Variants in TCF12 observed in about 807,000 individuals in gnomAD.
The protein encoded by TCF12 is transcription factor 12, also known as DNA-binding protein HTF4.
A neutral mutation model predicts 86.0 loss-of-function variants in TCF12; 45 were observed. The ratio of observed to expected loss-of-function variants is 0.52; its 90% CI spans 0.41 to 0.67. The LOEUF (loss-of-function observed/expected upper bound fraction) is 0.67. Ranked by LOEUF, TCF12 falls within the 30% of genes least tolerant of loss-of-function variation. The probability of loss-of-function intolerance (pLI) is 0.00; values close to 1 mark genes in which losing one functional copy is unlikely to be tolerated. For missense variants in TCF12, 881 were observed against 859.9 expected (o/e 1.02, Z -0.31); for synonymous variants, 330 against 299.6 (o/e 1.10, Z -1.05).
intron 7 of TCF12, 66 bp downstream of exon 7, chr15:57,192,359 G>A: frequency 1.3e-6 from 2 of 1,523,588 alleles, no homozygotes; most frequent in South Asian, 1.3e-5. Context: ...CCCATAATCT[G>A]TACTTCTGGC....
At chr15:57,191,057 G>A (rs1343600619) in intron 6 of TCF12, among the ~76,000 whole-genome samples, 1 of 152,186 alleles carries the variant, frequency 6.6e-6, no homozygotes, top group Non-Finnish European at 1.5e-5. Flanking sequence ...GTAAGCATGT[G>A]ATCATTCTTA....
intron 4 of TCF12, among the ~76,000 whole-genome samples, chr15:57,088,112 G>T (rs1185954507): frequency 1.3e-5 from 2 of 152,038 alleles, no homozygotes; most frequent in African/African-American, 4.8e-5. Context: ...TGGTCCCATT[G>T]GTTGATCCAC....
At position 57,239,515 on chromosome 15, in the gene TCF12, C is replaced by CACA. The variant is rs560411672; in HGVS notation, c.1036-3956_1036-3955insCAA. Among the ~76,000 whole-genome samples the CACA allele has an allele frequency of 2.8e-5, 3 of 107,174 alleles. No individual in the cohort carries two copies. In the South Asian group the frequency reaches 9.3e-4, roughly 33 times the overall value. The allele number at this position is 107,174 out of a possible 152,430, so 70.3% of individuals were successfully genotyped here. A position where few individuals can be genotyped will look rare whatever the true frequency, so the allele number is the denominator to read the frequency against. On this transcript the variant is annotated intron_variant, in intron 12 of 20. Coordinates refer to ENST00000333725, the MANE Select transcript of TCF12 (RefSeq NM_207037.2). ...TGGGCAACAGAGCAAGACTCCATCT[C>CACA]AAAAAAAAAAAAAAAAAGTTTTTGA...
chr15:57,113,108 C>G (rs1485582675), intron 5 of TCF12, among the ~76,000 whole-genome samples: 1 of 152,162 alleles, frequency 6.6e-6, no homozygotes, highest in Non-Finnish European at 1.5e-5. Flanking sequence ...CTGGCTCAAG[C>G]TTTGTTTTTT....
At chr15:57,090,815 G>C (rs1158908613) in intron 4 of TCF12, among the ~76,000 whole-genome samples, 1 of 152,114 alleles carries the variant, frequency 6.6e-6, no homozygotes, top group East Asian at 1.9e-4. Flanking sequence ...GATTGGCAGA[G>C]ATATATATGA....
At chr15:57,231,051 A>T in intron 8 of TCF12, 101 bp from the exon 9 acceptor site, 1 of 787,236 alleles carries the variant, frequency 1.3e-6, no homozygotes, top group Non-Finnish European at 2.1e-6. Flanking sequence ...TATAAAAATT[A>T]GATAGGCCTT....
chr15:57,201,950 C>T (rs573737518), intron 8 of TCF12, among the ~76,000 whole-genome samples: 6 of 151,690 alleles, frequency 4.0e-5, no homozygotes, highest in South Asian at 2.1e-4. Flanking sequence ...GGTAATTTGT[C>T]GGGGGAAAAA....
chr15:57,038,287 A>T (rs1389464323), intron 3 of TCF12, among the ~76,000 whole-genome samples: 3 of 151,888 alleles, frequency 2.0e-5, no homozygotes, highest in African/African-American at 7.3e-5. Flanking sequence ...AAATTGCTGG[A>T]CATGAGGGTG....
intron 18 of TCF12, among the ~76,000 whole-genome samples, chr15:57,272,256 C>T (rs1466494020): frequency 6.6e-6 from 1 of 152,210 alleles, no homozygotes; most frequent in African/African-American, 2.4e-5. Context: ...CTATGTACAT[C>T]TCTAATTATA....
intron 8 of TCF12, among the ~76,000 whole-genome samples, chr15:57,221,330 G>A (rs1326140692): frequency 6.6e-6 from 1 of 151,530 alleles, no homozygotes; most frequent in Non-Finnish European, 1.5e-5. Context: ...ATTTTCTTTT[G>A]TGTCTGATTT....
At position 57,282,599 on chromosome 15, in the gene TCF12, G is replaced by A. The variant is rs1167665305; in HGVS notation, c.*11+1G>A. On this transcript the variant is annotated splice_donor_variant, in intron 20 of 20. Coordinates refer to ENST00000333725, the MANE Select transcript of TCF12 (RefSeq NM_207037.2). LOFTEE classifies it low-confidence loss of function (3UTR_SPLICE). ...TGGGTCATATGTAAACATCAGCCAG[G>A]TAAGTACGGGTTTGAAAAGAAACAG... 1 of 1,609,212 alleles carries A rather than the reference G, an allele frequency of 6.2e-7. No individual in the cohort carries two copies. Among genetic ancestry groups the A allele is most frequent in the African/African-American group, 1.3e-5 (1 of 74,598 alleles).
intron 3 of TCF12, among the ~76,000 whole-genome samples, chr15:56,965,536 A>G (rs1296340130): frequency 2.0e-5 from 3 of 152,160 alleles, no homozygotes; most frequent in Non-Finnish European, 4.4e-5. Flanking sequence ...AATTTTTTTC[A>G]TCCTGTTTGG....
intron 13 of TCF12, among the ~76,000 whole-genome samples, chr15:57,248,538 G>A (rs1158034367): frequency 2.0e-5 from 3 of 152,182 alleles, no homozygotes; most frequent in Non-Finnish European, 4.4e-5. Context: ...GTAGTACTCA[G>A]TAGTAATCTT....
intron 8 of TCF12, among the ~76,000 whole-genome samples, chr15:57,221,137 T>G (rs1462864387): frequency 3.9e-5 from 6 of 152,176 alleles, no homozygotes; most frequent in African/African-American, 1.2e-4. Context: ...TTGTGAACTT[T>G]TGGGTAAGCT....
chr15:57,053,092 G>A (rs562749132), intron 3 of TCF12, among the ~76,000 whole-genome samples: 6 of 152,186 alleles, frequency 3.9e-5, no homozygotes, highest in South Asian at 2.1e-4. Context: ...ATGTACGGGG[G>A]CTCTAGTTTC....
rs112261979 is a variant in TCF12, at chr15:57,041,861, C to G, written c.149-21889C>G. Among the ~76,000 whole-genome samples, 11 of 152,234 alleles carry G rather than the reference C, an allele frequency of 7.2e-5. 1 individual carries two copies. The highest frequency in any genetic ancestry group is 2.6e-4 in the African/African-American group (11 of 41,544). On this transcript the variant is annotated intron_variant, in intron 3 of 20. Coordinates refer to ENST00000333725, the MANE Select transcript of TCF12 (RefSeq NM_207037.2). ...GTTAAAATCCATTTGTTTACTTGAT[C>G]GCATTACTAGTGTACTGTGGCTCTT...
At chr15:57,022,644 C>G (rs533607404) in intron 3 of TCF12, among the ~76,000 whole-genome samples, 48 of 152,328 alleles carry the variant, frequency 3.2e-4, no homozygotes, top group African/African-American at 1.2e-3. Context: ...ATCGCCACCA[C>G]TGTCTTCCAC....
intron 5 of TCF12, among the ~76,000 whole-genome samples, chr15:57,163,559 T>G (rs1011248332): frequency 2.6e-5 from 4 of 151,880 alleles, no homozygotes; most frequent in African/African-American, 9.7e-5. Context: ...TTTAGAAAAT[T>G]AGGCGTGTTG....
At chr15:57,189,880 A>G (rs1298802282) in intron 6 of TCF12, among the ~76,000 whole-genome samples, 1 of 152,252 alleles carries the variant, frequency 6.6e-6, no homozygotes, top group Non-Finnish European at 1.5e-5. Context: ...GTATAGCCAT[A>G]CTAAATGGAA....
Sources: allele counts gnomAD v4.1 joint callset (sites outside exome capture counted in the v4.1 genomes callset), GRCh38; gene constraint gnomAD v4.1.1; transcripts MANE v1.5; gene names NCBI Gene and HGNC (gene_info 2026-07-23, HGNC 2026-07-21).